NME7: variants seen among roughly 807,000 people sequenced by gnomAD.
NME7 encodes nucleoside diphosphate kinase 7.
NME7 carries 41 observed loss-of-function variants against 49.1 expected under a neutral mutation model. That is an observed-to-expected ratio of 0.83 (90% confidence interval 0.65 to 1.08). NME7 has a LOEUF of 1.08. NME7 is among the 50% of genes least tolerant of loss of function. NME7 has a pLI of 0.00. For missense variants in NME7, 423 were observed against 463.4 expected (o/e 0.91, Z 0.80); for synonymous variants, 139 against 150.6 (o/e 0.92, Z 0.56).
intron 5 of NME7, among the ~76,000 whole-genome samples, chr1:169,302,869 A>G (rs75792548): frequency 0.021 from 3,197 of 152,330 alleles, 114 homozygotes; most frequent in African/African-American, 0.073. Flanking sequence ...TCCATTTTTA[A>G]TCAACCAAAA....
intron 10 of NME7, among the ~76,000 whole-genome samples, chr1:169,181,562 C>G (rs1659933492): frequency 1.3e-5 from 2 of 152,042 alleles, no homozygotes; most frequent in African/African-American, 4.8e-5. Context: ...TTCAACCTTT[C>G]TCTTTTCAAG....
At chr1:169,285,591 T>C (rs12042082) in intron 7 of NME7, 13,652 of 152,160 alleles carry the variant, frequency 0.09, 750 homozygotes, top group Admixed American at 0.19. Flanking sequence ...GCATCCTCAA[T>C]TTCCATTCCA....
rs182559930 is a variant in NME7 at position 169,201,269 on chromosome 1, C to A, written c.990+29449G>T. On this transcript the variant is annotated intron_variant, in intron 10 of 11. Transcript: ENST00000367811. The stretch of plus-strand genomic sequence containing the variant: ...AAATAAAACAAAGATTCAGTAAATT[C>A]TGCTACATAGACAGAAAGGGGCAAG... Among the ~76,000 whole-genome samples, 284 of 152,130 alleles carry A rather than the reference C, an allele frequency of 1.9e-3. 1 individual carries two copies. The highest frequency in any genetic ancestry group is 6.6e-3 in the African/African-American group (272 of 41,506).
At chr1:169,293,138 TA>T (rs558650102) in intron 6 of NME7, among the ~76,000 whole-genome samples, 1 of 136,426 alleles carries the variant, frequency 7.3e-6, no homozygotes, top group African/African-American at 2.5e-5. Context: ...TTAGAAAAAA[TA>T]AAAAAAAATA....
At chr1:169,330,422 G>C (rs376735608) in intron 1 of NME7, among the ~76,000 whole-genome samples, 1 of 152,182 alleles carries the variant, frequency 6.6e-6, no homozygotes, top group Admixed American at 6.5e-5. Context: ...GATCACACCT[G>C]TAATCCCAGC....
At chr1:169,287,524 T>A (rs909380791) in intron 6 of NME7, 116 bp from the exon 7 acceptor site, 1 of 795,842 alleles carries the variant, frequency 1.3e-6, no homozygotes, top group African/African-American at 1.8e-5. Flanking sequence ...CATATAAATT[T>A]TTTGTTTCAG....
chr1:169,135,014 C>CAAAAAAAAAAAAAAAAAA (rs58463903), intron 11 of NME7, among the ~76,000 whole-genome samples: 23 of 50,388 alleles, frequency 4.6e-4, no homozygotes, highest in African/African-American at 1.5e-3. Flanking sequence ...CCCGTCTCTA[C>CAAAAAAAAAAAAAAAAAA]AAAAAAAAAA....
chr1:169,230,541 T>C (rs1300837796), intron 10 of NME7, among the ~76,000 whole-genome samples, 177 bp downstream of exon 10: 1 of 152,212 alleles, frequency 6.6e-6, no homozygotes, highest in East Asian at 1.9e-4. Context: ...AAAAAAATTA[T>C]CTTTCTTGGA....
chr1:169,235,686 A>G (rs1034568373), intron 8 of NME7, among the ~76,000 whole-genome samples: 4 of 152,138 alleles, frequency 2.6e-5, no homozygotes, highest in Non-Finnish European at 5.9e-5. Context: ...ACTAAAGAAA[A>G]GTAGTTCAGA....
intron 7 of NME7, among the ~76,000 whole-genome samples, chr1:169,243,935 C>T (rs1648193738): frequency 6.6e-6 from 1 of 152,026 alleles, no homozygotes; most frequent in Non-Finnish European, 1.5e-5. Context: ...AACTGAATTT[C>T]AAACCCAGTT....
chr1:169,334,675 G>A (rs1406501364), intron 1 of NME7, among the ~76,000 whole-genome samples: 1 of 151,992 alleles, frequency 6.6e-6, no homozygotes, highest in Non-Finnish European at 1.5e-5. Context: ...TGACAAAAAG[G>A]CCGAATGCGA....
chr1:169,293,692 G>A (rs1481162713), intron 6 of NME7, among the ~76,000 whole-genome samples: 1 of 151,974 alleles, frequency 6.6e-6, no homozygotes, highest in African/African-American at 2.4e-5. Flanking sequence ...ACCCTTGGCT[G>A]TTTCATAAGT....
intron 4 of NME7, among the ~76,000 whole-genome samples, chr1:169,304,481 A>AATGAGAGT (rs1333115514): frequency 1.3e-5 from 2 of 152,220 alleles, no homozygotes; most frequent in African/African-American, 2.4e-5. Flanking sequence ...ATTCTAACCA[A>AATGAGAGT]ATGTACTTAA....
chr1:169,147,044 G>A (rs1322752825), intron 11 of NME7, among the ~76,000 whole-genome samples: 1 of 152,184 alleles, frequency 6.6e-6, no homozygotes, highest in African/African-American at 2.4e-5. Context: ...TGGAATTCCA[G>A]GGGCACGTGA....
At chr1:169,366,665 G>C (rs1198874760) in intron 1 of NME7, among the ~76,000 whole-genome samples, 1 of 152,100 alleles carries the variant, frequency 6.6e-6, no homozygotes, top group East Asian at 1.9e-4. Context: ...CTAAAGGCTC[G>C]GCAAAAATAT....
At chr1:169,348,151 G>T (rs17345412) in intron 1 of NME7, among the ~76,000 whole-genome samples, 6,780 of 152,152 alleles carry the variant, frequency 0.045, 195 homozygotes, top group South Asian at 0.1. Context: ...TTATAAAAGT[G>T]GTAAAAGTCT....
intron 1 of NME7, among the ~76,000 whole-genome samples, chr1:169,342,626 C>CAG (rs1652773112): frequency 4.6e-5 from 1 of 21,720 alleles, no homozygotes; most frequent in Non-Finnish European, 8.4e-5. Context: ...TATACAAGTA[C>CAG]ATATATATAG....
At chr1:169,279,283 C>T (rs969265795) in intron 7 of NME7, among the ~76,000 whole-genome samples, 3 of 152,322 alleles carry the variant, frequency 2.0e-5, no homozygotes, top group East Asian at 1.9e-4. Flanking sequence ...TGTGCTCTGC[C>T]CCCAGAGGTG....
rs1660217903 is a variant in NME7, at chr1:169,191,114, A to C, written c.991-21560T>G. 2.0e-5 allele frequency among the ~76,000 whole-genome samples: 3 copies of C among 151,854 alleles called. 1 individual carries two copies. The highest frequency in any genetic ancestry group is 4.4e-5 in the Non-Finnish European group (3 of 67,932). Reference sequence around the variant, plus strand: ...GGCGTGAGCCACCGCGCCCGGCCGCAAGTGAACTGTTTCTAAGAAAACAAC... The same window carrying C: ...GGCGTGAGCCACCGCGCCCGGCCGCCAGTGAACTGTTTCTAAGAAAACAAC... On this transcript the variant is annotated intron_variant, in intron 10 of 11. Transcript: ENST00000367811.
Sources: gnomAD v4.1 joint callset for allele counts (sites outside exome capture counted in the v4.1 genomes callset) on GRCh38, gnomAD v4.1.1 for gene constraint, MANE v1.5 for transcripts, NCBI Gene and HGNC (gene_info 2026-07-23, HGNC 2026-07-21) for gene names.